The following DGKH variants were observed in gnomAD, a reference collection of about 807,000 sequenced individuals.
DGKH encodes the protein DAG kinase eta.
Under a neutral mutation model 159.3 loss-of-function variants are expected in DGKH, and 90 were observed. That is an observed-to-expected ratio of 0.57 (90% CI 0.48 to 0.67). DGKH has a LOEUF of 0.67. DGKH is among the 30% of genes least tolerant of loss of function. The probability of loss-of-function intolerance (pLI) is 0.00; values close to 1 mark genes in which losing one functional copy is unlikely to be tolerated. For missense variants in DGKH, 1,181 were observed against 1,506.1 expected (o/e 0.78, Z 3.57); for synonymous variants, 536 against 553.8 (o/e 0.97, Z 0.45).
intron 20 of DGKH, among the ~76,000 whole-genome samples, chr13:42,200,959 A>G (rs1291797341): frequency 1.3e-5 from 2 of 151,682 alleles, no homozygotes; most frequent in Non-Finnish European, 2.9e-5. Context: ...TTTTTTCTTC[A>G]TGTACCCCGG....
chr13:42,152,723 A>G (rs1029400966), intron 3 of DGKH, among the ~76,000 whole-genome samples: 17 of 151,178 alleles, frequency 1.1e-4, no homozygotes, highest in African/African-American at 4.1e-4. Flanking sequence ...GACTTCTGTG[A>G]AGTAACAGTT....
intron 3 of DGKH, among the ~76,000 whole-genome samples, chr13:42,151,607 A>ACCC (rs1955903393): frequency 7.5e-6 from 1 of 132,638 alleles, no homozygotes; most frequent in African/African-American, 2.7e-5. Flanking sequence ...ACACACACAC[A>ACCC]CACACACCCC....
intron 5 of DGKH, among the ~76,000 whole-genome samples, chr13:42,157,627 T>C (rs1332553384): frequency 1.3e-5 from 2 of 152,228 alleles, no homozygotes; most frequent in African/African-American, 4.8e-5. Context: ...TTATTTTCTA[T>C]ATGAAGTCTG....
At chr13:42,217,960 G>A (rs1283170520) in intron 26 of DGKH, among the ~76,000 whole-genome samples, 1 of 152,190 alleles carries the variant, frequency 6.6e-6, no homozygotes, top group Admixed American at 6.5e-5. Flanking sequence ...CTTGAACCCA[G>A]AAGGCCAAGG....
chr13:42,109,696 T>C (rs1594039757), intron 1 of DGKH, among the ~76,000 whole-genome samples: 1 of 152,030 alleles, frequency 6.6e-6, no homozygotes, highest in East Asian at 1.9e-4. Context: ...GTGTGTCTGT[T>C]GCTGTTTTTT....
At chr13:42,056,019 G>A (rs1248477721) in intron 1 of DGKH, among the ~76,000 whole-genome samples, 2 of 152,184 alleles carry the variant, frequency 1.3e-5, no homozygotes, top group Non-Finnish European at 1.5e-5. Context: ...TTAGCTGGGC[G>A]TGGTGGCACC....
chr13:42,101,824 G>T (rs1247840379), intron 1 of DGKH, among the ~76,000 whole-genome samples: 1 of 151,918 alleles, frequency 6.6e-6, no homozygotes, highest in African/African-American at 2.4e-5. Flanking sequence ...ATTTTTAAAG[G>T]CAAAGAAAGT....
chr13:42,225,406 G>A, intron 29 of DGKH: 11 of 1,292,874 alleles, frequency 8.5e-6, no homozygotes, highest in Non-Finnish European at 9.5e-6. Context: ...ATGGCTGGAA[G>A]GATAACTGAA....
rs552593932 is a variant in DGKH, at chr13:42,215,612, A to G, written c.3158A>G (p.Asn1053Ser). 3.1e-6 allele frequency: 5 copies of G among 1,611,718 alleles called. No homozygotes were observed. The highest frequency in any genetic ancestry group is 1.7e-5 in the Admixed American group (1 of 59,806). ...GACACTGCCACTGAAATAGCCATCA[A>G]TGTGAAGGCGCTGTATAATGAAACA... ...TRDTATEIAINVKALYNETES... is the reference protein window; with the variant it reads ...TRDTATEIAISVKALYNETES... The change falls in exon 26 of 30, where the codon AAT becomes AGT. Residue 1053 changes from asparagine to serine, a missense_variant. By Grantham distance (46) the Asn-to-Ser change is conservative. Transcript: ENST00000337343.
intron 1 of DGKH, among the ~76,000 whole-genome samples, chr13:42,081,387 G>A (rs1276444559): frequency 9.2e-5 from 14 of 152,000 alleles, no homozygotes; most frequent in African/African-American, 1.9e-4. Context: ...GCACCACCAC[G>A]CCTGGCTAAC....
At chr13:42,178,413 G>C (rs117705454) in intron 13 of DGKH, among the ~76,000 whole-genome samples, 193 bp downstream of exon 13, 1,608 of 152,224 alleles carry the variant, frequency 0.011, 11 homozygotes, top group South Asian at 0.035. Flanking sequence ...TGTATACTTA[G>C]AGGGTATTTT....
intron 1 of DGKH, among the ~76,000 whole-genome samples, chr13:42,054,444 TATCTC>T (rs781781677): frequency 8.5e-5 from 13 of 152,206 alleles, no homozygotes; most frequent in Non-Finnish European, 1.6e-4. Flanking sequence ...AGCAGAAAGA[TATCTC>T]AAGCAATTAA....
chr13:42,210,363 A>G (rs190854418), intron 23 of DGKH, among the ~76,000 whole-genome samples: 12 of 152,064 alleles, frequency 7.9e-5, no homozygotes, highest in Admixed American at 2.6e-4. Flanking sequence ...GCCTCAGGTG[A>G]TTGTCCCGCC....
At chr13:42,158,038 C>T (rs1956085853) in intron 5 of DGKH, among the ~76,000 whole-genome samples, 1 of 152,188 alleles carries the variant, frequency 6.6e-6, no homozygotes, top group Non-Finnish European at 1.5e-5. Flanking sequence ...GGATTACAGG[C>T]GTGAGCCACT....
intron 1 of DGKH, among the ~76,000 whole-genome samples, chr13:42,054,356 A>G (rs1881590831): frequency 2.0e-5 from 3 of 152,258 alleles, no homozygotes; most frequent in African/African-American, 7.2e-5. Flanking sequence ...GAGTAAAGTG[A>G]TACTGACAGC....
downstream of DGKH, among the ~76,000 whole-genome samples, chr13:42,245,936 C>T (rs2138334155): frequency 6.6e-6 from 1 of 152,238 alleles, no homozygotes; most frequent in South Asian, 2.1e-4. Flanking sequence ...TATTAAACTA[C>T]TTTTATTTTA....
chr13:42,049,221 G>T (rs987430662), intron 1 of DGKH, among the ~76,000 whole-genome samples: 1 of 151,464 alleles, frequency 6.6e-6, no homozygotes, highest in Non-Finnish European at 1.5e-5. Flanking sequence ...GCTGGACCGC[G>T]GTGCTGCGGG....
intron 13 of DGKH, among the ~76,000 whole-genome samples, chr13:42,180,402 A>G (rs1956720899): frequency 6.6e-6 from 1 of 152,220 alleles, no homozygotes; most frequent in African/African-American, 2.4e-5. Flanking sequence ...CTAGTGTTCA[A>G]TCCTGTTTCC....
intron 11 of DGKH, 106 bp from the exon 12 acceptor site, chr13:42,173,954 T>C: frequency 1.5e-6 from 1 of 658,272 alleles, no homozygotes; most frequent in Admixed American, 2.7e-5. Context: ...TGTGTGTGTG[T>C]GTGTGCGTGC....
Sources: gnomAD v4.1 joint callset for allele counts (sites outside exome capture counted in the v4.1 genomes callset) on GRCh38, gnomAD v4.1.1 for gene constraint, MANE v1.5 for transcripts, NCBI Gene and HGNC (gene_info 2026-07-23, HGNC 2026-07-21) for gene names.